WDR25: variants seen among roughly 807,000 people sequenced by gnomAD.
WDR25 encodes the protein WD repeat domain 25.
Under a neutral mutation model 47.7 loss-of-function variants are expected in WDR25, and 35 were observed. The ratio of observed to expected loss-of-function variants is 0.73; its 90% CI spans 0.56 to 0.97. The LOEUF (loss-of-function observed/expected upper bound fraction) is 0.97, where lower values mean the gene tolerates loss of function less well. Ranked by LOEUF, WDR25 falls within the 50% of genes least tolerant of loss-of-function variation. The pLI, the probability that WDR25 is intolerant of heterozygous loss-of-function variation, is 0.00. For missense variants in WDR25, 634 were observed against 704.7 expected, an observed-to-expected ratio of 0.90 and a Z score of 1.14; for synonymous variants, 248 against 278.9, an observed-to-expected ratio of 0.89 and a Z score of 1.10.
intron 1 of WDR25, among the ~76,000 whole-genome samples, chr14:100,377,292 AGTTGTT>A (rs56705876): frequency 6.6e-6 from 1 of 151,310 alleles, no homozygotes; most frequent in South Asian, 2.1e-4. Context: ...TGGCTTTAGA[AGTTGTT>A]GTTGTTGTTG....
At chr14:100,423,597 T>C (rs1295846892) in intron 2 of WDR25, among the ~76,000 whole-genome samples, 1 of 152,144 alleles carries the variant, frequency 6.6e-6, no homozygotes, top group Non-Finnish European at 1.5e-5. Context: ...ATCTGGAAAA[T>C]AGCCATGTCA....
rs750516288 is a variant in WDR25, at chr14:100,529,269, C to T, written c.1413+61C>T. 14 of 1,605,764 alleles carry T rather than the reference C, an allele frequency of 8.7e-6. No homozygotes were observed. In the South Asian group the frequency reaches 1.4e-4, roughly 16 times the overall value. On this transcript the variant is annotated intron_variant, in intron 6 of 6. Coordinates refer to ENST00000402312, the MANE Select transcript of WDR25 (RefSeq NM_001161476.3). The surrounding 1 kb of genome is among the most constrained non-coding windows in gnomAD (Gnocchi z 5.1). Reference sequence around the variant, plus strand: ...CCCCAGCCCCAAGCCTCCTGGCAGTCCTGGACATGGGCCCTGGGGTGCATG... The same window carrying T: ...CCCCAGCCCCAAGCCTCCTGGCAGTTCTGGACATGGGCCCTGGGGTGCATG...
intron 4 of WDR25, among the ~76,000 whole-genome samples, chr14:100,490,156 C>A (rs934844322): frequency 1.3e-5 from 2 of 152,210 alleles, no homozygotes; most frequent in Non-Finnish European, 2.9e-5. Context: ...CTCAGCTCAG[C>A]TTCCTATGAT....
intron 2 of WDR25, among the ~76,000 whole-genome samples, chr14:100,434,008 G>T (rs1212227594): frequency 1.3e-5 from 2 of 151,788 alleles, no homozygotes; most frequent in Middle Eastern, 6.8e-3. Flanking sequence ...GGGGGGTCAC[G>T]TGAGGCCGGG....
chr14:100,509,899 C>G (rs1901242905), intron 4 of WDR25, among the ~76,000 whole-genome samples: 2 of 151,960 alleles, frequency 1.3e-5, no homozygotes, highest in Admixed American at 1.3e-4. Flanking sequence ...CTGTGGAAAT[C>G]AATTGGCTAA....
Position 100,498,068 on chromosome 14 carries a change from A to G in WDR25, c.1101+13944A>G, listed in dbSNP as rs1900793235. ...TCTGCAAAGATTGTATGACTTTAGG[A>G]AAGTTTGTGCAATTCAATTTGTGCC... On this transcript the variant is annotated intron_variant, in intron 4 of 6. Transcript: ENST00000402312. This position sits in a 1 kb window ranked among gnomAD's most constrained non-coding sequence, Gnocchi z 4.2. Among the ~76,000 whole-genome samples, 1 of 152,222 alleles carries G rather than the reference A, an allele frequency of 6.6e-6. No homozygotes were observed. Among genetic ancestry groups the G allele is most frequent in the Non-Finnish European group, 1.5e-5 (1 of 68,038 alleles).
intron 1 of WDR25, among the ~76,000 whole-genome samples, chr14:100,380,532 T>C (rs955654777): frequency 1.9e-4 from 29 of 151,824 alleles, no homozygotes; most frequent in Non-Finnish European, 4.0e-4. Context: ...CTCGCTCTTG[T>C]TGACCAGGCT....
At chr14:100,493,456 GT>G (rs61447433) in intron 4 of WDR25, among the ~76,000 whole-genome samples, 84,871 of 151,898 alleles carry the variant, frequency 0.56, 27,419 homozygotes, top group African/African-American at 0.89. Context: ...ACTCCTTTAT[GT>G]TTTTTTTAAA....
rs887751011 is a variant in WDR25, at chr14:100,525,967, G to A, written c.1199G>A (p.Arg400Gln). 19 of 1,613,870 alleles carry A rather than the reference G, an allele frequency of 1.2e-5. No homozygotes were observed. Among genetic ancestry groups the A allele is most frequent in the South Asian group, 3.3e-5 (3 of 91,068 alleles). Residue 400 changes from arginine (R) to glutamine (Q), a missense_variant, in exon 5 of 7, where the codon CGG becomes CAG. Transcript: ENST00000402312. The surrounding 1 kb of genome is among the most constrained non-coding windows in gnomAD (Gnocchi z 4.6). ...CTGAGCAGCACAGACGCTTCCACCCGGGACTCAGCTGACCGCACCATTATT... is the reference window on the plus strand; with the variant it reads ...CTGAGCAGCACAGACGCTTCCACCCAGGACTCAGCTGACCGCACCATTATT... ...EFLSSTDASTRDSADRTIIAW... is the reference protein window; with the variant it reads ...EFLSSTDASTQDSADRTIIAW...
chr14:100,510,591 C>T (rs1172058908), intron 4 of WDR25, among the ~76,000 whole-genome samples: 2 of 151,632 alleles, frequency 1.3e-5, no homozygotes, highest in Non-Finnish European at 2.9e-5. Flanking sequence ...CAAAAATTAG[C>T]TGGGCATGAT....
rs1289228358 is a variant in WDR25 at position 100,378,679 on chromosome 14, C to CTGGAG, written c.-16+2184_-16+2185insTGGAG. Among the ~76,000 whole-genome samples, 125 of 26,072 alleles carry CTGGAG rather than the reference C, an allele frequency of 4.8e-3. 17 individuals carry two copies. Among genetic ancestry groups the CTGGAG allele is most frequent in the Middle Eastern group, 0.033 (1 of 30 alleles). The allele number at this position is 26,072 out of a possible 152,430, so 17.1% of individuals were successfully genotyped here. On this transcript the variant is annotated intron_variant, in intron 1 of 6. Coordinates refer to ENST00000402312, the MANE Select transcript of WDR25 (RefSeq NM_001161476.3). ...CTGGGGGAAGAATGTTCCAGGCAGGCCGGGCGCGGTGGCTCACGCCTGTAA... is the reference window on the plus strand; with the variant it reads ...CTGGGGGAAGAATGTTCCAGGCAGGCTGGAGCGGGCGCGGTGGCTCACGCCTGTAA...
At chr14:100,378,666 T>G in intron 1 of WDR25, among the ~76,000 whole-genome samples, 1 of 99,458 alleles carries the variant, frequency 1.0e-5, no homozygotes. Flanking sequence ...GGGGGAAGAA[T>G]GTTCCAGGCA....
At chr14:100,470,966 T>C (rs1247747484) in intron 3 of WDR25, among the ~76,000 whole-genome samples, 1 of 152,222 alleles carries the variant, frequency 6.6e-6, no homozygotes, top group Non-Finnish European at 1.5e-5. Context: ...AACTGTTGAA[T>C]TCAACTCTTG....
At chr14:100,518,313 C>T (rs74081523) in intron 4 of WDR25, among the ~76,000 whole-genome samples, 11,363 of 152,136 alleles carry the variant, frequency 0.075, 1,400 homozygotes, top group African/African-American at 0.26. Flanking sequence ...TTTCTGGTCT[C>T]CATAGTTTCT....
chr14:100,478,760 T>C (rs1378523964), intron 3 of WDR25, among the ~76,000 whole-genome samples: 1 of 152,230 alleles, frequency 6.6e-6, no homozygotes, highest in African/African-American at 2.4e-5. Flanking sequence ...AGTTCGATCA[T>C]CGTCTTTTAG....
chr14:100,445,392 A>G (rs1898799332), intron 2 of WDR25, among the ~76,000 whole-genome samples: 1 of 152,222 alleles, frequency 6.6e-6, no homozygotes, highest in Non-Finnish European at 1.5e-5. Flanking sequence ...TTTGCCTCAG[A>G]GCCTTAGCTT....
chr14:100,379,298 A>G (rs1016133712), intron 1 of WDR25, among the ~76,000 whole-genome samples: 2 of 152,082 alleles, frequency 1.3e-5, no homozygotes, highest in Non-Finnish European at 2.9e-5. Flanking sequence ...TAAACTTGTA[A>G]CACATATGAC....
intron 2 of WDR25, among the ~76,000 whole-genome samples, chr14:100,427,451 T>C (rs1309250069): frequency 2.6e-5 from 4 of 152,292 alleles, no homozygotes; most frequent in African/African-American, 9.6e-5. Context: ...CAGGGTGCAG[T>C]AGGCACTTTG....
At chr14:100,443,816 T>G (rs1048580040) in intron 2 of WDR25, among the ~76,000 whole-genome samples, 11 of 152,196 alleles carry the variant, frequency 7.2e-5, no homozygotes, top group African/African-American at 2.4e-4. Flanking sequence ...ATGAGGAATA[T>G]GTACTGAGTG....
Sources: allele counts gnomAD v4.1 joint callset (sites outside exome capture counted in the v4.1 genomes callset), GRCh38; gene constraint gnomAD v4.1.1; non-coding constraint Gnocchi (gnomAD v3.1); transcripts MANE v1.5; gene names NCBI Gene and HGNC (gene_info 2026-07-23, HGNC 2026-07-21).